The following CRACD variants were observed in gnomAD, a reference collection of about 807,000 sequenced individuals.
CRACD encodes capping protein inhibiting regulator of actin dynamics, also known as capping protein-inhibiting regulator of actin dynamics.
Under a neutral mutation model 106.8 loss-of-function variants are expected in CRACD, and 56 were observed. The observed-to-expected ratio is 0.52, with a 90% CI of 0.42 to 0.66. CRACD has a LOEUF of 0.66. CRACD is among the 30% of genes least tolerant of loss of function. The pLI is 0.00. For missense variants in CRACD, 1,730 were observed against 1,623.2 expected (o/e 1.07, Z -1.13); for synonymous variants, 754 against 670.8 (o/e 1.12, Z -1.92).
At chr4:56,126,800 T>C (rs1208871847) in intron 1 of CRACD, among the ~76,000 whole-genome samples, 1 of 152,206 alleles carries the variant, frequency 6.6e-6, no homozygotes, top group Non-Finnish European at 1.5e-5. Context: ...GTTCTAACCC[T>C]ATTATTTTAT....
chr4:56,205,453 C>T (rs937791639), intron 2 of CRACD, among the ~76,000 whole-genome samples: 8 of 151,892 alleles, frequency 5.3e-5, no homozygotes, highest in Non-Finnish European at 1.0e-4. Context: ...CCACAGTTGT[C>T]CAAAATGGAA....
chr4:56,172,264 C>A (rs1321193227), intron 1 of CRACD, among the ~76,000 whole-genome samples: 1 of 151,974 alleles, frequency 6.6e-6, no homozygotes, highest in Non-Finnish European at 1.5e-5. Context: ...ATTGTATTTG[C>A]CTGAAAAACT....
At chr4:56,318,301 T>C (rs1195254135) in intron 8 of CRACD, among the ~76,000 whole-genome samples, 1 of 152,192 alleles carries the variant, frequency 6.6e-6, no homozygotes, top group Non-Finnish European at 1.5e-5. Context: ...CAGCTTGTCC[T>C]TTTTTAAATA....
At chr4:56,194,367 A>C (rs1737509544) in intron 2 of CRACD, among the ~76,000 whole-genome samples, 1 of 152,246 alleles carries the variant, frequency 6.6e-6, no homozygotes, top group African/African-American at 2.4e-5. Flanking sequence ...TGGAGCAATT[A>C]AGCCAAGGAA....
chr4:56,239,499 GTTTTATCCAAGAATGT>G (rs1740233252), intron 2 of CRACD, among the ~76,000 whole-genome samples: 1 of 151,816 alleles, frequency 6.6e-6, no homozygotes, highest in East Asian at 1.9e-4. Context: ...ATGTTGACAT[GTTTTATCCAAGAATGT>G]TTTTATCCAA....
intron 2 of CRACD, among the ~76,000 whole-genome samples, chr4:56,252,578 A>G (rs992859801): frequency 4.6e-5 from 7 of 152,228 alleles, no homozygotes; most frequent in Admixed American, 2.0e-4. Context: ...TCTGTACTGA[A>G]TAGAGTGGAA....
chr4:56,158,655 C>T (rs758862241), intron 1 of CRACD, among the ~76,000 whole-genome samples: 3 of 152,080 alleles, frequency 2.0e-5, no homozygotes, highest in Non-Finnish European at 4.4e-5. Flanking sequence ...GTCATGTGGG[C>T]GATGATATGT....
chr4:56,079,557 T>C (rs1008076367), intron 1 of CRACD, among the ~76,000 whole-genome samples: 3 of 152,000 alleles, frequency 2.0e-5, no homozygotes, highest in Non-Finnish European at 4.4e-5. Context: ...ATCGTTCTCG[T>C]GTCTCAGCTT....
chr4:56,290,694 G>A (rs1743655294), intron 3 of CRACD, among the ~76,000 whole-genome samples: 1 of 152,148 alleles, frequency 6.6e-6, no homozygotes, highest in Non-Finnish European at 1.5e-5. Flanking sequence ...CAGCAAATCA[G>A]GACAGAAATG....
At chr4:56,164,674 CAGA>C (rs1293791414) in intron 1 of CRACD, among the ~76,000 whole-genome samples, 1 of 152,072 alleles carries the variant, frequency 6.6e-6, no homozygotes, top group African/African-American at 2.4e-5. Flanking sequence ...GGATCGACTA[CAGA>C]AGGAGTCTGA....
intron 3 of CRACD, among the ~76,000 whole-genome samples, chr4:56,280,103 T>TG (rs1434658273): frequency 7.9e-6 from 1 of 127,306 alleles, no homozygotes; most frequent in African/African-American, 3.1e-5. Flanking sequence ...TGAGAACACA[T>TG]GGACACAGGA....
chr4:56,249,331 A>G (rs1372414366), intron 2 of CRACD, among the ~76,000 whole-genome samples: 20 of 146,858 alleles, frequency 1.4e-4, no homozygotes, highest in Admixed American at 6.9e-5. Flanking sequence ...GCCAGTGATG[A>G]TGAGCATTTT....
At chr4:56,307,401 G>T in intron 4 of CRACD, 134 bp from the exon 5 acceptor site, 1 of 675,898 alleles carries the variant, frequency 1.5e-6, no homozygotes, top group Non-Finnish European at 2.4e-6. Context: ...TGGTTTCCTG[G>T]CATGGTGTTG....
At chr4:56,159,545 G>C (rs547382324) in intron 1 of CRACD, among the ~76,000 whole-genome samples, 104 of 152,096 alleles carry the variant, frequency 6.8e-4, no homozygotes, top group Admixed American at 2.9e-3. Flanking sequence ...CCAGCTACTC[G>C]GGAGGCTGAG....
intron 2 of CRACD, among the ~76,000 whole-genome samples, chr4:56,266,369 G>T (rs1205847468): frequency 6.6e-6 from 1 of 152,106 alleles, no homozygotes; most frequent in Non-Finnish European, 1.5e-5. Flanking sequence ...TCTTGTCTCT[G>T]GGGCCCACAT....
At chr4:56,203,780 C>G (rs947419303) in intron 2 of CRACD, among the ~76,000 whole-genome samples, 11 of 152,222 alleles carry the variant, frequency 7.2e-5, no homozygotes, top group African/African-American at 2.7e-4. Flanking sequence ...GAAGCTGGCT[C>G]TGCCCACCTT....
Position 56,307,669 on chromosome 4 carries a change from G to A in CRACD, c.255G>A (p.Gln85=). The A allele has an allele frequency of 1.2e-6, 2 of 1,614,162 alleles. No homozygotes were observed. The highest frequency in any genetic ancestry group is 1.7e-6 in the Non-Finnish European group (2 of 1,180,038). Reference sequence around the variant, plus strand: ...GTCCCATGGAAATTGTGACTCAGCAGGACATCGTCCTCTCAGACGCAGAGA... The same window carrying A: ...GTCCCATGGAAATTGTGACTCAGCAAGACATCGTCCTCTCAGACGCAGAGA... The part of the protein sequence containing the change: ...LTSPMEIVTQ[Q]DIVLSDAENK... Residue 85 remains glutamine, a synonymous_variant, in exon 5 of 11, where the codon CAG becomes CAA. Transcript: ENST00000682029.
chr4:56,191,615 A>C (rs1011332329), intron 2 of CRACD, among the ~76,000 whole-genome samples: 1 of 152,162 alleles, frequency 6.6e-6, no homozygotes, highest in Non-Finnish European at 1.5e-5. Flanking sequence ...GGGAATTGGA[A>C]AGTGGACGTC....
Position 56,307,590 on chromosome 4 carries a change from T to G in CRACD, c.176T>G (p.Met59Arg). 6.2e-7 allele frequency: 1 copy of G among 1,614,198 alleles called. No homozygotes were observed. The highest frequency in any genetic ancestry group is 8.5e-7 in the Non-Finnish European group (1 of 1,180,038). Residue 59 changes from methionine (M) to arginine (R), a missense_variant, in exon 5 of 11, where the codon ATG becomes AGG. This residue lies in a region of CRACD where 1,620 missense variants were observed against 1,481.6 expected (regional missense o/e 1.09). Coordinates refer to ENST00000682029, the MANE Select transcript of CRACD (RefSeq NM_001393381.1). ...FGQRSPNAIP[M>R]NKANSGEASL... ...CAGCGGTCACCCAATGCCATTCCCA[T>G]GAATAAGGCAAACAGTGGAGAGGCT... is the stretch of plus-strand genomic sequence containing the variant.
Sources: allele counts gnomAD v4.1 joint callset (sites outside exome capture counted in the v4.1 genomes callset), GRCh38; gene constraint gnomAD v4.1.1; regional missense constraint gnomAD v4.1.1; transcripts MANE v1.5; gene names NCBI Gene and HGNC (gene_info 2026-07-23, HGNC 2026-07-21).